CERK: variants seen among roughly 807,000 people sequenced by gnomAD.
The protein encoded by CERK is acylsphingosine kinase.
A neutral mutation model predicts 63.4 loss-of-function variants in CERK; 39 were observed. The ratio of observed to expected loss-of-function variants is 0.61; its 90% confidence interval spans 0.48 to 0.80. The LOEUF is 0.80. Among genes scored for constraint, CERK ranks in the 30% least tolerant of loss-of-function variants. CERK has a pLI of 0.00. For missense variants in CERK, 670 were observed against 714.1 expected (o/e 0.94, Z 0.70); for synonymous variants, 302 against 280.0 (o/e 1.08, Z -0.78).
chr22:46,719,211 G>A (rs1367810951), intron 3 of CERK, among the ~76,000 whole-genome samples: 3 of 146,226 alleles, frequency 2.1e-5, no homozygotes, highest in East Asian at 1.9e-4. Context: ...TTAAGTTCAC[G>A]GGTACATGTG....
chr22:46,701,745 A>T (rs1468427946), intron 6 of CERK, 35 bp from the exon 7 acceptor site: 7 of 1,496,566 alleles, frequency 4.7e-6, no homozygotes, highest in Non-Finnish European at 6.4e-6. Context: ...AAATAGCATC[A>T]GAATAACAGA....
Position 46,702,648 on chromosome 22 carries a change from T to C in CERK, c.716-938A>G, listed in dbSNP as rs573524230. Among the ~76,000 whole-genome samples the C allele has an allele frequency of 3.3e-5, 5 of 152,278 alleles. No homozygotes were observed. In the South Asian group the frequency reaches 1.0e-3, roughly 32 times the overall value. On this transcript the variant is annotated intron_variant, in intron 6 of 12. Transcript: ENST00000216264. ...GGTCACACACAGCCATTACTTGAGA[T>C]CTTAATACCAGGACAGCCAGGACAG...
intron 12 of CERK, among the ~76,000 whole-genome samples, chr22:46,689,162 C>G (rs112428849): frequency 0.013 from 1,941 of 152,340 alleles, 41 homozygotes; most frequent in African/African-American, 0.044. Flanking sequence ...CCCGCGTCCC[C>G]TAGGCTGCGT....
In CERK at chr22:46,686,874, T is replaced by C. The variant is rs1327754242; in HGVS notation, c.*260A>G. 2 of 461,168 alleles carry C rather than the reference T, an allele frequency of 4.3e-6. No homozygotes were observed. The highest frequency in any genetic ancestry group is 7.9e-6 in the Non-Finnish European group (2 of 253,118). The allele number at this position is 461,168 out of a possible 1,614,324, so 28.6% of individuals were successfully genotyped here. ...CTACACTGTTGACATCGTTAAAACC[T>C]AAGAGGCCAGTGCCCCCAAGTGAGC... On this transcript the variant is annotated 3_prime_UTR_variant, in exon 13 of 13. Transcript: ENST00000216264.
rs1228195656 is a variant in CERK, at chr22:46,684,775, C to T, written c.*2359G>A. On this transcript the variant is annotated 3_prime_UTR_variant, in exon 13 of 13. Transcript: ENST00000216264. ...TGTCTGCCGCATCTGAAAGGCTGCC[C>T]CGGAAATCAGAGCCTATCTAGCGGG... 3 of 152,140 alleles carry T rather than the reference C, an allele frequency of 2.0e-5. No individual in the cohort carries two copies. Among genetic ancestry groups the T allele is most frequent in the Admixed American group, 2.0e-4 (3 of 15,266 alleles). The allele number at this position is 152,140 out of a possible 1,614,324, so 9.4% of individuals were successfully genotyped here.
rs1449118596 is a variant in CERK, at chr22:46,691,685, G to C, written c.1219C>G (p.Leu407Val). The C allele has an allele frequency of 1.2e-6, 2 of 1,613,974 alleles. No individual in the cohort carries two copies. Among genetic ancestry groups the C allele is most frequent in the Non-Finnish European group, 1.7e-6 (2 of 1,180,002 alleles). The change falls in exon 11 of 13, where the codon CTC becomes GTC. Residue 407 changes from leucine to valine, a missense_variant. Transcript: ENST00000216264. Reference protein sequence around the residue: ...SCACRRSPRGLSPAAHLGDGS... With the variant: ...SCACRRSPRGVSPAAHLGDGS... Reference sequence around the variant, plus strand: ...TCTCCCAAGTGGGCAGCCGGGGAGAGGCCCCTGGGGCTCCGGCGACAAGCA... The same window carrying C: ...TCTCCCAAGTGGGCAGCCGGGGAGACGCCCCTGGGGCTCCGGCGACAAGCA...
chr22:46,730,398 G>A (rs1205888747), intron 1 of CERK, among the ~76,000 whole-genome samples: 1 of 152,056 alleles, frequency 6.6e-6, no homozygotes, highest in East Asian at 1.9e-4. Flanking sequence ...TCCAGTCTGG[G>A]TAACAGAGTG....
intron 7 of CERK, 82 bp downstream of exon 7, chr22:46,701,554 G>A (rs2082784081): frequency 8.2e-7 from 1 of 1,218,446 alleles, no homozygotes; most frequent in Non-Finnish European, 1.2e-6. Context: ...GCTGGAACAC[G>A]CGACGGGGAC....
chr22:46,701,297 C>T (rs135687), intron 7 of CERK, among the ~76,000 whole-genome samples: 24,301 of 152,274 alleles, frequency 0.16, 2,442 homozygotes, highest in East Asian at 0.34. Context: ...TATGGCGGGA[C>T]GCGGGTGGTT....
chr22:46,719,118 T>C (rs1201861097), intron 3 of CERK, among the ~76,000 whole-genome samples: 2 of 152,004 alleles, frequency 1.3e-5, no homozygotes, highest in African/African-American at 2.4e-5. Context: ...AATAGTGTTA[T>C]GAATACAAAA....
intron 10 of CERK, among the ~76,000 whole-genome samples, chr22:46,692,947 A>T (rs552962703): frequency 9.9e-5 from 15 of 152,206 alleles, no homozygotes; most frequent in African/African-American, 3.6e-4. Context: ...AAAAAAATCA[A>T]AATAATAATA....
chr22:46,695,230 A>G lies in CERK; in HGVS notation c.1029T>C (p.Asp343=), dbSNP rs200157244. Residue 343 remains aspartate, a synonymous_variant, in exon 9 of 13, where the codon GAT becomes GAC. Transcript: ENST00000216264. ...CTTACCCTGCCCGGCAGGGCTTCCT[A>G]TCCCTTGGAGATCCCACCGTGTGTT... The part of the protein sequence containing the change: ...PAQHTVGSPR[D]RKPCRAGCFV... The G allele has an allele frequency of 3.9e-4, 625 of 1,597,402 alleles. 3 individuals carry two copies. The highest frequency in any genetic ancestry group is 1.6e-4 in the Non-Finnish European group (189 of 1,165,898).
At chr22:46,699,177 T>G in intron 8 of CERK, 136 bp downstream of exon 8, 6 of 893,296 alleles carry the variant, frequency 6.7e-6, no homozygotes, top group South Asian at 1.5e-5. Context: ...GCACATTTCA[T>G]GAGGCCCTTA....
intron 1 of CERK, among the ~76,000 whole-genome samples, chr22:46,727,831 A>AC (rs35093090): frequency 5.6e-5 from 8 of 142,338 alleles, no homozygotes; most frequent in East Asian, 2.1e-4. Context: ...TGGCCCAGCC[A>AC]CCCCCCCCGG....
At position 46,738,165 on chromosome 22, in the gene CERK, G is replaced by T. The variant is rs936791830; in HGVS notation, c.-17C>A. 1.5e-5 allele frequency: 18 copies of T among 1,162,934 alleles called. No homozygotes were observed. Among genetic ancestry groups the T allele is most frequent in the African/African-American group, 3.3e-5 (2 of 60,672 alleles). 72.0% of individuals were successfully genotyped at this position (1,162,934 alleles called of 1,614,324 possible). A position where few individuals can be genotyped will look rare whatever the true frequency, so the allele number is the denominator to read the frequency against. On this transcript the variant is annotated 5_prime_UTR_variant, in exon 1 of 13. Coordinates refer to ENST00000216264, the MANE Select transcript of CERK (RefSeq NM_022766.6). ...CGCCCCCATCTCCGCCGCCGGGCTCGTCCGCCAGGCTGGGGGCGCGCGGAC... is the reference window on the plus strand; with the variant it reads ...CGCCCCCATCTCCGCCGCCGGGCTCTTCCGCCAGGCTGGGGGCGCGCGGAC...
At chr22:46,687,457 G>A (rs918928190) in intron 12 of CERK, among the ~76,000 whole-genome samples, 1 of 152,176 alleles carries the variant, frequency 6.6e-6, no homozygotes, top group Non-Finnish European at 1.5e-5. Context: ...TTAGACTCCC[G>A]GGATGCCGAG....
At chr22:46,719,198 C>CTTTTT (rs2082880551) in intron 3 of CERK, among the ~76,000 whole-genome samples, 1 of 151,388 alleles carries the variant, frequency 6.6e-6, no homozygotes, top group Admixed American at 6.6e-5. Context: ...TTTTTTTAAA[C>CTTTTT]TTTTAAGTTC....
At chr22:46,704,637 C>T (rs1457443392) in intron 6 of CERK, among the ~76,000 whole-genome samples, 4 of 151,782 alleles carry the variant, frequency 2.6e-5, no homozygotes, top group African/African-American at 9.7e-5. Flanking sequence ...CCAGCCTGGC[C>T]AACATGGTGA....
chr22:46,696,851 A>G (rs377287468), intron 8 of CERK, among the ~76,000 whole-genome samples: 3 of 151,912 alleles, frequency 2.0e-5, no homozygotes, highest in Non-Finnish European at 4.4e-5. Flanking sequence ...GGGGGGGGCC[A>G]GGCATGCAGG....
Sources: gnomAD v4.1 joint callset for allele counts (sites outside exome capture counted in the v4.1 genomes callset) on GRCh38, gnomAD v4.1.1 for gene constraint, MANE v1.5 for transcripts, NCBI Gene and HGNC (gene_info 2026-07-23, HGNC 2026-07-21) for gene names.